The following EIF2A variants were observed in gnomAD, a reference collection of about 807,000 sequenced individuals.
The protein encoded by EIF2A is 65 kDa eukaryotic translation initiation factor 2A.
A neutral mutation model predicts 75.2 loss-of-function variants in EIF2A; 62 were observed. The observed-to-expected ratio is 0.82, with a 90% CI of 0.67 to 1.02. EIF2A has a LOEUF of 1.02. Among genes scored for constraint, EIF2A ranks in the 50% least tolerant of loss-of-function variants. EIF2A has a pLI of 0.00. For missense variants in EIF2A, 611 were observed against 677.7 expected (o/e 0.90, Z 1.09); for synonymous variants, 207 against 239.0 (o/e 0.87, Z 1.23).
At chr3:150,546,983 G>A in intron 1 of EIF2A, 153 bp downstream of exon 1, 1 of 1,021,186 alleles carries the variant, frequency 9.8e-7, no homozygotes, top group Non-Finnish European at 1.4e-6. Flanking sequence ...TTGATATAGC[G>A]TGGCAATCGG....
chr3:150,574,297 G>C (rs979259230), intron 10 of EIF2A, among the ~76,000 whole-genome samples: 1 of 152,184 alleles, frequency 6.6e-6, no homozygotes. Flanking sequence ...ATGATTTATA[G>C]TAGTTGTGTG....
intron 11 of EIF2A, among the ~76,000 whole-genome samples, chr3:150,577,312 A>G (rs1433739403): frequency 6.6e-6 from 1 of 152,002 alleles, no homozygotes; most frequent in African/African-American, 2.4e-5. Context: ...AATATGTCAG[A>G]CTGTAGCAGT....
Position 150,581,733 on chromosome 3 carries a change from A to G in EIF2A, c.1613A>G (p.Lys538Arg), listed in dbSNP as rs1350412988. 2 of 1,558,144 alleles carry G rather than the reference A, an allele frequency of 1.3e-6. No individual in the cohort carries two copies. Among genetic ancestry groups the G allele is most frequent in the Admixed American group, 3.9e-5 (2 of 51,632 alleles). ...SGDPEIDKKI[K>R]NLKKKLKAIE... ...GACCCTGAGATAGACAAAAAAATCA[A>G]GAACCTAAAGAAGGTGAGAGACTTA... Residue 538 changes from lysine (K) to arginine (R), a missense_variant, in exon 12 of 14, where the codon AAG (lysine) becomes AGG (arginine). Transcript: ENST00000460851.
chr3:150,553,093 A>T (rs1345830239), intron 2 of EIF2A, among the ~76,000 whole-genome samples: 5 of 152,166 alleles, frequency 3.3e-5, no homozygotes, highest in Non-Finnish European at 5.9e-5. Flanking sequence ...AAGGCAGGCC[A>T]GATCACCTGA....
At chr3:150,574,128 A>G (rs1227282113) in intron 10 of EIF2A, among the ~76,000 whole-genome samples, 3 of 152,120 alleles carry the variant, frequency 2.0e-5, no homozygotes, top group African/African-American at 7.2e-5. Context: ...TGGGAAATTC[A>G]CTTGAGCCCA....
intron 9 of EIF2A, 71 bp from the exon 10 acceptor site, chr3:150,571,887 A>G: frequency 7.2e-7 from 1 of 1,391,248 alleles, no homozygotes; most frequent in Non-Finnish European, 9.7e-7. Flanking sequence ...GTACTATATG[A>G]TGGTAACTTT....
At chr3:150,547,010 T>A in intron 1 of EIF2A, 180 bp downstream of exon 1, 1 of 715,328 alleles carries the variant, frequency 1.4e-6, no homozygotes, top group Non-Finnish European at 2.3e-6. Flanking sequence ...AGTCTCCGCC[T>A]CTGGGCTTTC....
intron 12 of EIF2A, among the ~76,000 whole-genome samples, chr3:150,582,024 G>C (rs1051991312): frequency 6.6e-6 from 1 of 150,830 alleles, no homozygotes; most frequent in Admixed American, 6.6e-5. Context: ...TTTTTGAGAC[G>C]GAGTCTTGCC....
rs528049055 is a variant in EIF2A at position 150,570,755 on chromosome 3, C to T, written c.812-1203C>T. 2.6e-5 allele frequency among the ~76,000 whole-genome samples: 4 copies of T among 152,120 alleles called. No homozygotes were observed. The South Asian group carries it at 8.3e-4, about 32-fold the overall frequency. On this transcript the variant is annotated intron_variant, in intron 9 of 13. Transcript: ENST00000460851. ...AGTTGAAGGATAGTGAGGGGGAAGC[C>T]TGCATCATCAAAAACTGCTGACAGA... is the stretch of plus-strand genomic sequence containing the variant.
intron 1 of EIF2A, among the ~76,000 whole-genome samples, chr3:150,551,687 C>CACTT (rs1723324788): frequency 6.6e-6 from 1 of 152,056 alleles, no homozygotes; most frequent in Admixed American, 6.6e-5. Context: ...TTGATCATGC[C>CACTT]ACTGTACTCC....
intron 1 of EIF2A, among the ~76,000 whole-genome samples, chr3:150,551,679 G>T (rs985441165): frequency 6.6e-6 from 1 of 152,062 alleles, no homozygotes; most frequent in African/African-American, 2.4e-5. Context: ...AGTGAGCCTT[G>T]ATCATGCCAC....
rs1267288123 is a variant in EIF2A at position 150,575,988 on chromosome 3, G to A, written c.1497+226G>A. On this transcript the variant is annotated intron_variant, in intron 11 of 13. Transcript: ENST00000460851. Reference sequence around the variant, plus strand: ...TCAGCTACTCAGGAGGCTGAGGCAGGAGAATTACTTGAACCTGGGAGGTGG... The same window carrying A: ...TCAGCTACTCAGGAGGCTGAGGCAGAAGAATTACTTGAACCTGGGAGGTGG... Among the ~76,000 whole-genome samples the A allele has an allele frequency of 2.0e-5, 3 of 152,136 alleles. No homozygotes were observed. In the East Asian group the frequency reaches 5.8e-4, roughly 29 times the overall value.
At position 150,567,612 on chromosome 3, in the gene EIF2A, A is replaced by G. The variant is rs543220441; in HGVS notation, c.476-81A>G. 4.3e-5 allele frequency: 41 copies of G among 957,794 alleles called. No individual in the cohort carries two copies. The African/African-American group carries it at 6.1e-4, about 14-fold the overall frequency. The allele number at this position is 957,794 out of a possible 1,614,324, so 59.3% of individuals were successfully genotyped here. On this transcript the variant is annotated intron_variant, in intron 6 of 13. Coordinates refer to ENST00000460851, the MANE Select transcript of EIF2A (RefSeq NM_032025.5). ...GTAGTATTGGTGTGTAGTTATAGTG[A>G]TCTTTGATAATGTATTCAGAGTTTA...
Position 150,575,702 on chromosome 3 carries a change from A to G in EIF2A, c.1437A>G (p.Pro479=). The part of the protein sequence containing the change: ...NMKPQSGNDK[P]LSKTALKNQR... ...AACCACAATCAGGAAACGATAAGCC[A>G]TTATCAAAAACAGCTCTTAAAAATC... Residue 479 remains proline (P), a synonymous_variant, in exon 11 of 14, where the codon CCA becomes CCG. Coordinates refer to ENST00000460851, the MANE Select transcript of EIF2A (RefSeq NM_032025.5). The G allele has an allele frequency of 6.2e-7, 1 of 1,613,536 alleles. No homozygotes were observed. The highest frequency in any genetic ancestry group is 1.1e-5 in the South Asian group (1 of 90,940).
chr3:150,555,458 A>T (rs1054780797), intron 2 of EIF2A, among the ~76,000 whole-genome samples: 1 of 151,410 alleles, frequency 6.6e-6, no homozygotes, highest in East Asian at 2.0e-4. Flanking sequence ...TGGTTTCACC[A>T]TGTTGGCCAG....
intron 2 of EIF2A, among the ~76,000 whole-genome samples, chr3:150,555,372 T>G (rs1456511563): frequency 6.6e-6 from 1 of 152,144 alleles, no homozygotes; most frequent in Non-Finnish European, 1.5e-5. Context: ...TTCTCCTGCC[T>G]CAGCCTCCCA....
At chr3:150,578,604 C>T (rs1374710182) in intron 11 of EIF2A, among the ~76,000 whole-genome samples, 3 of 151,970 alleles carry the variant, frequency 2.0e-5, no homozygotes, top group Admixed American at 6.6e-5. Flanking sequence ...CACCTACACA[C>T]GTTTTTTACT....
At chr3:150,551,073 C>G (rs573776653) in intron 1 of EIF2A, among the ~76,000 whole-genome samples, 13 of 152,250 alleles carry the variant, frequency 8.5e-5, no homozygotes, top group Non-Finnish European at 1.5e-4. Context: ...GTTAACTGTT[C>G]TCCTTGCTTG....
intron 4 of EIF2A, 71 bp downstream of exon 4, chr3:150,562,731 A>C: frequency 8.7e-7 from 1 of 1,154,376 alleles, no homozygotes; most frequent in Admixed American, 2.1e-5. Flanking sequence ...AAAAGTTATA[A>C]AGTTTATAAC....
Sources: gnomAD v4.1 joint callset for allele counts (sites outside exome capture counted in the v4.1 genomes callset) on GRCh38, gnomAD v4.1.1 for gene constraint, MANE v1.5 for transcripts, NCBI Gene and HGNC (gene_info 2026-07-23, HGNC 2026-07-21) for gene names.